The following WNT9A variants were observed in gnomAD, a reference collection of about 807,000 sequenced individuals.
The protein encoded by WNT9A is Wnt family member 9A, also known as protein Wnt-9a.
In WNT9A, 8 loss-of-function variants were observed where a neutral mutation model predicts 31.4. The ratio of observed to expected loss-of-function variants is 0.26; its 90% CI spans 0.15 to 0.46. The LOEUF (loss-of-function observed/expected upper bound fraction) is 0.46. Ranked by LOEUF, WNT9A falls within the 20% of genes least tolerant of loss-of-function variation. The pLI is 0.99. For synonymous variants in WNT9A, 236 were observed against 220.1 expected (o/e 1.07, Z -0.64); for missense variants, 457 against 522.9 (o/e 0.87, Z 1.23).
At chr1:227,941,744 G>C (rs893251621) in intron 1 of WNT9A, 2 of 152,670 alleles carry the variant, frequency 1.3e-5, no homozygotes, top group African/African-American at 4.8e-5. Context: ...CTCGTGGCTG[G>C]CCTTCTGGGT....
chr1:227,937,154 C>G (rs1479079144), intron 1 of WNT9A, among the ~76,000 whole-genome samples: 1 of 152,218 alleles, frequency 6.6e-6, no homozygotes, highest in Non-Finnish European at 1.5e-5. Context: ...TTTGGTTTTT[C>G]CAAACTTGCT....
At chr1:227,941,627 C>A in intron 1 of WNT9A, 1 of 153,902 alleles carries the variant, frequency 6.5e-6, no homozygotes. Flanking sequence ...CCTGGGAGCA[C>A]AGGGGAGATG....
At chr1:227,947,729 A>ACGACCCCGCCC (rs1666818576) in intron 1 of WNT9A, 64 bp downstream of exon 1, 2 of 975,924 alleles carry the variant, frequency 2.0e-6, no homozygotes, top group Non-Finnish European at 2.5e-6. Context: ...GGGACTCCGG[A>ACGACCCCGCCC]CGACCCCGCC....
rs1666310372 is a variant in WNT9A at position 227,921,423 on chromosome 1, G to A, written c.*95C>T. On this transcript the variant is annotated 3_prime_UTR_variant, in exon 4 of 4. Transcript: ENST00000272164. ...GCCTGTACCCCACGCAGCTGGGCTG[G>A]TCGAGCCCAGGAACTCAGCCTGTGC... 7.2e-6 allele frequency: 11 copies of A among 1,521,662 alleles called. No homozygotes were observed. In the South Asian group the frequency reaches 7.8e-5, roughly 11 times the overall value. The allele number at this position is 1,521,662 out of a possible 1,614,324, so 94.3% of individuals were successfully genotyped here.
In WNT9A at chr1:227,925,138, G is replaced by A. The variant is rs1042377514; in HGVS notation, c.352+125C>T. The A allele has an allele frequency of 5.2e-5, 72 of 1,373,458 alleles. No individual in the cohort carries two copies. The highest frequency in any genetic ancestry group is 6.8e-5 in the Non-Finnish European group (71 of 1,050,750). The allele number at this position is 1,373,458 out of a possible 1,614,324, so 85.1% of individuals were successfully genotyped here. A position where few individuals can be genotyped will look rare whatever the true frequency, so the allele number is the denominator to read the frequency against. On this transcript the variant is annotated intron_variant, in intron 2 of 3. Coordinates refer to ENST00000272164, the MANE Select transcript of WNT9A (RefSeq NM_003395.4). The surrounding 1 kb of genome is among the most constrained non-coding windows in gnomAD (Gnocchi z 6.0). ...CCCTTTCCAGGGCCTAGGCCCAGGAGCTCTGGGCAGGCTGGGCCCGGCGTC... is the reference window on the plus strand; with the variant it reads ...CCCTTTCCAGGGCCTAGGCCCAGGAACTCTGGGCAGGCTGGGCCCGGCGTC...
chr1:227,940,997 A>C (rs1168244859), intron 1 of WNT9A, among the ~76,000 whole-genome samples: 1 of 152,232 alleles, frequency 6.6e-6, no homozygotes, highest in Non-Finnish European at 1.5e-5. Flanking sequence ...AAGGAAAACC[A>C]GGGTCACGTC....
intron 1 of WNT9A, among the ~76,000 whole-genome samples, chr1:227,939,252 G>A (rs945522984): frequency 4.6e-5 from 7 of 152,218 alleles, no homozygotes; most frequent in South Asian, 4.1e-4. Context: ...TCCAGGGAGC[G>A]GTGACCCGGT....
rs531641973 is a variant in WNT9A at position 227,943,267 on chromosome 1, G to A, written c.95+4526C>T. Among the ~76,000 whole-genome samples, 5 of 152,324 alleles carry A rather than the reference G, an allele frequency of 3.3e-5. No individual in the cohort carries two copies. The South Asian group carries it at 1.0e-3, about 32-fold the overall frequency. ...TCCTGGCTGCCCCCACCCACCCAGT[G>A]GGGCTGCCAGGGTGTCGCTGGCTCC... On this transcript the variant is annotated intron_variant, in intron 1 of 3. Transcript: ENST00000272164.
Position 227,922,145 on chromosome 1 carries a change from A to T in WNT9A, c.616-145T>A. ...GGCGGGCGTCACCACTGCACATCTC[A>T]CATCCAGCTCAGTCTCCCGGCTCGT... On this transcript the variant is annotated intron_variant, in intron 3 of 3. Transcript: ENST00000272164. The T allele has an allele frequency of 2.4e-6, 3 of 1,265,066 alleles. No homozygotes were observed. In the African/African-American group the frequency reaches 4.5e-5, roughly 19 times the overall value. 78.4% of individuals were successfully genotyped at this position (1,265,066 alleles called of 1,614,324 possible).
intron 3 of WNT9A, 123 bp downstream of exon 3, chr1:227,924,015 G>C: frequency 7.4e-7 from 1 of 1,356,420 alleles, no homozygotes; most frequent in Non-Finnish European, 1.0e-6. Flanking sequence ...CCTACAGGAG[G>C]CCACTCCACT....
intron 3 of WNT9A, among the ~76,000 whole-genome samples, chr1:227,922,455 C>G (rs955556666): frequency 1.3e-5 from 2 of 152,234 alleles, no homozygotes; most frequent in African/African-American, 4.8e-5. Flanking sequence ...CTGACCGCAA[C>G]CTCCCTACCC....
intron 3 of WNT9A, among the ~76,000 whole-genome samples, chr1:227,922,498 C>T (rs1173309880): frequency 6.6e-6 from 1 of 152,238 alleles, no homozygotes; most frequent in African/African-American, 2.4e-5. Flanking sequence ...ACCGCACATG[C>T]AGACGCGACC....
At chr1:227,923,624 G>A (rs1371480195) in intron 3 of WNT9A, among the ~76,000 whole-genome samples, 1 of 152,176 alleles carries the variant, frequency 6.6e-6, no homozygotes, top group African/African-American at 2.4e-5. Flanking sequence ...GAGAGGGCTG[G>A]TGGGGCAGAA....
At chr1:227,938,896 C>T (rs1009675660) in intron 1 of WNT9A, among the ~76,000 whole-genome samples, 5 of 152,222 alleles carry the variant, frequency 3.3e-5, no homozygotes, top group African/African-American at 1.2e-4. Flanking sequence ...GCATGTGCAG[C>T]CTGTGAGTGC....
intron 1 of WNT9A, among the ~76,000 whole-genome samples, chr1:227,936,292 G>A (rs1366311409): frequency 6.6e-6 from 1 of 152,038 alleles, no homozygotes; most frequent in African/African-American, 2.4e-5. Context: ...GGGTTCAAGC[G>A]ATTGTTCCTG....
chr1:227,929,137 C>T (rs1308379082), intron 1 of WNT9A, among the ~76,000 whole-genome samples: 3 of 152,108 alleles, frequency 2.0e-5, no homozygotes, highest in Non-Finnish European at 1.5e-5. Context: ...ACCTGTGAGC[C>T]GACACTCAGC....
intron 1 of WNT9A, among the ~76,000 whole-genome samples, chr1:227,937,053 T>A (rs1666607068): frequency 6.6e-6 from 1 of 152,238 alleles, no homozygotes; most frequent in South Asian, 2.1e-4. Context: ...TAATTTCTTC[T>A]GACCTATCTT....
intron 1 of WNT9A, among the ~76,000 whole-genome samples, chr1:227,946,545 C>G (rs1314788914): frequency 6.6e-6 from 1 of 152,276 alleles, no homozygotes; most frequent in African/African-American, 2.4e-5. Flanking sequence ...ACAGTTGGAG[C>G]CAGGAGAGGG....
At chr1:227,947,099 G>A (rs1488524720) in intron 1 of WNT9A, among the ~76,000 whole-genome samples, 2 of 152,312 alleles carry the variant, frequency 1.3e-5, no homozygotes, top group African/African-American at 2.4e-5. Flanking sequence ...GGGAAAGAAA[G>A]GAAGAGAGAG....
Sources: gnomAD v4.1 joint callset for allele counts (sites outside exome capture counted in the v4.1 genomes callset) on GRCh38, gnomAD v4.1.1 for gene constraint, Gnocchi (gnomAD v3.1) non-coding constraint, MANE v1.5 for transcripts, NCBI Gene and HGNC (gene_info 2026-07-23, HGNC 2026-07-21) for gene names.